The following CFAP54 variants were observed in gnomAD, a reference collection of about 807,000 sequenced individuals.
CFAP54 encodes the protein cilia and flagella associated protein 54, also known as cilia- and flagella-associated protein 54.
A neutral mutation model predicts 370.4 loss-of-function variants in CFAP54; 290 were observed. That is an observed-to-expected ratio of 0.78 (90% CI 0.71 to 0.86). The LOEUF (loss-of-function observed/expected upper bound fraction) is 0.86, where lower values mean the gene tolerates loss of function less well. CFAP54 is among the 40% of genes least tolerant of loss of function. The probability of loss-of-function intolerance (pLI) is 0.00; values close to 1 mark genes in which losing one functional copy is unlikely to be tolerated. For synonymous variants in CFAP54, 1,206 were observed against 1,236.5 expected, an observed-to-expected ratio of 0.98 and a Z score of 0.52; for missense variants, 3,399 against 3,528.7, an observed-to-expected ratio of 0.96 and a Z score of 0.93.
intron 63 of CFAP54, among the ~76,000 whole-genome samples, chr12:96,800,248 A>G (rs1348731006): frequency 6.6e-6 from 1 of 152,218 alleles, no homozygotes; most frequent in Non-Finnish European, 1.5e-5. Flanking sequence ...AATGCTAAGA[A>G]TATCTTTGTG....
chr12:96,505,393 T>A (rs928293633), intron 3 of CFAP54, among the ~76,000 whole-genome samples: 6 of 152,158 alleles, frequency 3.9e-5, no homozygotes, highest in Admixed American at 3.9e-4. Context: ...CCTGTCATTT[T>A]GTTCCACTAC....
intron 66 of CFAP54, among the ~76,000 whole-genome samples, chr12:96,859,115 A>G (rs899793993): frequency 8.5e-5 from 13 of 152,176 alleles, no homozygotes; most frequent in Non-Finnish European, 1.8e-4. Context: ...ACCTATGACC[A>G]TCTGATTTTC....
intron 33 of CFAP54, among the ~76,000 whole-genome samples, chr12:96,644,687 A>G (rs932830673): frequency 1.3e-5 from 2 of 152,200 alleles, no homozygotes; most frequent in African/African-American, 4.8e-5. Flanking sequence ...CCTTCTACAC[A>G]TGGTGGCAGG....
At chr12:96,709,877 C>A (rs776524524) in intron 48 of CFAP54, among the ~76,000 whole-genome samples, 3 of 151,948 alleles carry the variant, frequency 2.0e-5, no homozygotes, top group Admixed American at 6.6e-5. Context: ...CCTGCCACCA[C>A]GCCCAGCTAA....
chr12:96,595,889 C>T (rs767002705), intron 25 of CFAP54, among the ~76,000 whole-genome samples: 2 of 152,024 alleles, frequency 1.3e-5, no homozygotes, highest in Non-Finnish European at 2.9e-5. Flanking sequence ...ATGTGGCAGC[C>T]CTCTGAACCT....
chr12:96,712,876 A>G (rs569252387), intron 48 of CFAP54, among the ~76,000 whole-genome samples: 1 of 152,194 alleles, frequency 6.6e-6, no homozygotes, highest in Non-Finnish European at 1.5e-5. Flanking sequence ...AGTAGGCAAA[A>G]GACCTGGATA....
chr12:96,521,912 T>C lies in CFAP54; in HGVS notation c.998T>C (p.Met333Thr). The C allele has an allele frequency of 3.3e-6, 5 of 1,534,462 alleles. No individual in the cohort carries two copies. Among genetic ancestry groups the C allele is most frequent in the Non-Finnish European group, 4.4e-6 (5 of 1,145,462 alleles). The change falls in exon 7 of 68, where the codon ATG becomes ACG. Residue 333 changes from methionine to threonine, a missense_variant. Physicochemically the swap from Met to Thr is moderately conservative, Grantham distance 81 (BLOSUM62 -1). This residue lies in a region of CFAP54 where 559 missense variants were observed against 576.7 expected (regional missense o/e 0.97). Transcript: ENST00000524981. ...KIDELRQLELMSSSKSQEESR... is the reference protein window; with the variant it reads ...KIDELRQLELTSSSKSQEESR... Reference sequence around the variant, plus strand: ...GATGAGTTAAGGCAACTGGAATTAATGAGTTCCTCAAAATCCCAGGAAGAA... The same window carrying C: ...GATGAGTTAAGGCAACTGGAATTAACGAGTTCCTCAAAATCCCAGGAAGAA...
intron 50 of CFAP54, among the ~76,000 whole-genome samples, chr12:96,731,020 G>T: frequency 6.6e-6 from 1 of 152,178 alleles, no homozygotes; most frequent in East Asian, 1.9e-4. Flanking sequence ...GGGCATGGGG[G>T]TGTACATGAG....
chr12:96,498,383 C>T (rs565528382), intron 1 of CFAP54, among the ~76,000 whole-genome samples: 3 of 152,282 alleles, frequency 2.0e-5, no homozygotes, highest in Admixed American at 6.5e-5. Flanking sequence ...GGCCGGGCAC[C>T]GTGGCTCACG....
Position 96,662,977 on chromosome 12 carries a change from C to G in CFAP54, c.5461-853C>G, listed in dbSNP as rs536545274. On this transcript the variant is annotated intron_variant, in intron 38 of 67. Transcript: ENST00000524981. ...ACTATTTGTTTATTATCTGTCTTCTCCCACTAAGATGTTTCACAAGAGTGA... is the reference window on the plus strand; with the variant it reads ...ACTATTTGTTTATTATCTGTCTTCTGCCACTAAGATGTTTCACAAGAGTGA... Among the ~76,000 whole-genome samples the G allele has an allele frequency of 2.6e-5, 4 of 152,228 alleles. No homozygotes were observed. In the East Asian group the frequency reaches 7.7e-4, roughly 29 times the overall value.
chr12:96,498,050 A>G (rs963414138), intron 1 of CFAP54, among the ~76,000 whole-genome samples: 1 of 152,224 alleles, frequency 6.6e-6, no homozygotes, highest in African/African-American at 2.4e-5. Flanking sequence ...TCTGGCAACA[A>G]ACTGATCTTT....
rs1165376607 is a variant in CFAP54 at position 96,874,616 on chromosome 12, TTTTTATTTTTATTTTA to T, written c.*15-497_*15-482del. The stretch of plus-strand genomic sequence containing the variant: ...TGTTCTGTTTTGGGATCTCTGCTTT[TTTTTATTTTTATTTTA>T]TTTTTTTTTTTTTTTGAGACGGAGT... On this transcript the variant is annotated intron_variant, in intron 67 of 67. Transcript: ENST00000524981. Among the ~76,000 whole-genome samples the T allele has an allele frequency of 1.5e-3, 21 of 13,876 alleles. 7 individuals carry two copies. The highest frequency in any genetic ancestry group is 0.12 in the East Asian group (1 of 8). 9.1% of individuals were successfully genotyped at this position (13,876 alleles called of 152,430 possible).
intron 66 of CFAP54, among the ~76,000 whole-genome samples, chr12:96,840,620 T>C (rs571244497): frequency 0.015 from 754 of 49,752 alleles, 10 homozygotes; most frequent in African/African-American, 0.051. Context: ...TTTTCTCTGT[T>C]TCTTTCTTTT....
chr12:96,565,924 C>T (rs985443686), intron 19 of CFAP54, among the ~76,000 whole-genome samples: 4 of 152,268 alleles, frequency 2.6e-5, no homozygotes, highest in African/African-American at 4.8e-5. Flanking sequence ...AATTGAATCA[C>T]GGGGGAGGTT....
intron 4 of CFAP54, among the ~76,000 whole-genome samples, chr12:96,511,640 A>G (rs1326235728): frequency 6.6e-6 from 1 of 151,660 alleles, no homozygotes; most frequent in Admixed American, 6.6e-5. Flanking sequence ...GCACACCATC[A>G]TGCCCAACTA....
intron 66 of CFAP54, among the ~76,000 whole-genome samples, chr12:96,840,056 C>A (rs1959202278): frequency 6.6e-6 from 1 of 152,228 alleles, no homozygotes. Flanking sequence ...TCTACTCCTT[C>A]ACTGGAGGGC....
At chr12:96,746,243 AT>A (rs1233410023) in intron 55 of CFAP54, among the ~76,000 whole-genome samples, 2 of 152,196 alleles carry the variant, frequency 1.3e-5, no homozygotes, top group African/African-American at 4.8e-5. Context: ...CAGTAAAAAA[AT>A]AAACTAAACA....
chr12:96,574,305 A>G (rs964319252), intron 19 of CFAP54, among the ~76,000 whole-genome samples: 1 of 152,090 alleles, frequency 6.6e-6, no homozygotes, highest in Admixed American at 6.6e-5. Context: ...TGTCAGAATG[A>G]AATACATTTG....
At chr12:96,732,852 A>C (rs1202987521) in intron 50 of CFAP54, among the ~76,000 whole-genome samples, 2 of 149,866 alleles carry the variant, frequency 1.3e-5, no homozygotes, top group Non-Finnish European at 1.5e-5. Context: ...ATAATTCTCT[A>C]TAGAACTGTT....
Sources: allele counts gnomAD v4.1 joint callset (sites outside exome capture counted in the v4.1 genomes callset), GRCh38; gene constraint gnomAD v4.1.1; regional missense constraint gnomAD v4.1.1; transcripts MANE v1.5; gene names NCBI Gene and HGNC (gene_info 2026-07-23, HGNC 2026-07-21).